Variants in ZFAT observed in about 807,000 individuals in gnomAD.
The protein encoded by ZFAT is zinc finger and AT-hook domain containing.
ZFAT carries 64 observed loss-of-function variants against 117.7 expected under a neutral mutation model. The ratio of observed to expected loss-of-function variants is 0.54; its 90% confidence interval spans 0.44 to 0.67. The LOEUF (loss-of-function observed/expected upper bound fraction) is 0.67. Among genes scored for constraint, ZFAT ranks in the 30% least tolerant of loss-of-function variants. The pLI, the probability that ZFAT is intolerant of heterozygous loss-of-function variation, is 0.00. For synonymous variants in ZFAT, 679 were observed against 615.0 expected (o/e 1.10, Z -1.54); for missense variants, 1,433 against 1,584.5 (o/e 0.90, Z 1.62).
At chr8:134,717,466 C>CT (rs746460924), upstream of ZFAT, among the ~76,000 whole-genome samples, 28 of 19,354 alleles carry the variant, frequency 1.4e-3, 11 homozygotes, top group East Asian at 3.0e-3. Context: ...AATAACAACT[C>CT]TTTTTTTTTT....
the ZFAT span, chr8:134,794,932 A>G: frequency 6.6e-6 from 1 of 152,226 alleles, no homozygotes; most frequent in African/African-American, 2.4e-5. Flanking sequence ...GGTCCTTCAC[A>G]TAGTTCTCTT....
At chr8:134,726,968 G>A in the ZFAT span, among the ~76,000 whole-genome samples, 1 of 151,990 alleles carries the variant, frequency 6.6e-6, no homozygotes, top group Non-Finnish European at 1.5e-5. Flanking sequence ...CATTATTTTA[G>A]AGAGACAGTT....
chr8:134,774,505 G>T, the ZFAT span, among the ~76,000 whole-genome samples: 1 of 152,138 alleles, frequency 6.6e-6, no homozygotes, highest in South Asian at 2.1e-4. Flanking sequence ...ACCACACCAG[G>T]AAAATGATTA....
chr8:134,799,310 G>A, the ZFAT span, among the ~76,000 whole-genome samples: 1 of 152,122 alleles, frequency 6.6e-6, no homozygotes, highest in Non-Finnish European at 1.5e-5. Flanking sequence ...CACTTGCCAA[G>A]CTGCTAGGAT....
intron 3 of ZFAT, among the ~76,000 whole-genome samples, chr8:134,626,608 C>T (rs889431909): frequency 1.3e-5 from 2 of 152,216 alleles, no homozygotes; most frequent in Non-Finnish European, 2.9e-5. Flanking sequence ...TGGGATTCCA[C>T]GGATCTCTGG....
chr8:134,572,144 A>G (rs1024537143), intron 10 of ZFAT, among the ~76,000 whole-genome samples: 1 of 152,266 alleles, frequency 6.6e-6, no homozygotes, highest in African/African-American at 2.4e-5. Context: ...CTTGTTATTA[A>G]TGAACTGTAC....
chr8:134,572,174 A>C (rs754638300), intron 10 of ZFAT, among the ~76,000 whole-genome samples: 4 of 152,248 alleles, frequency 2.6e-5, no homozygotes, highest in Non-Finnish European at 4.4e-5. Context: ...GAATTATTAT[A>C]ATATTAATTT....
intron 1 of ZFAT, among the ~76,000 whole-genome samples, chr8:134,690,031 G>A (rs1206060352): frequency 6.6e-6 from 1 of 152,198 alleles, no homozygotes; most frequent in African/African-American, 2.4e-5. Flanking sequence ...AAAGATCAAT[G>A]AGAAATTTTA....
At chr8:134,601,415 G>A in intron 6 of ZFAT, 62 bp downstream of exon 6, 2 of 1,531,860 alleles carry the variant, frequency 1.3e-6, no homozygotes, top group Admixed American at 2.0e-5. Context: ...CAAATCAAAT[G>A]CGAGGTGACC....
At chr8:134,685,362 A>T (rs943916652) in intron 1 of ZFAT, among the ~76,000 whole-genome samples, 1 of 152,198 alleles carries the variant, frequency 6.6e-6, no homozygotes, top group Non-Finnish European at 1.5e-5. Flanking sequence ...TAATGCTCAC[A>T]GTGAGCAATA....
intron 9 of ZFAT, among the ~76,000 whole-genome samples, chr8:134,585,561 C>T (rs372047850): frequency 6.6e-6 from 1 of 152,166 alleles, no homozygotes; most frequent in Non-Finnish European, 1.5e-5. Context: ...AGCAAAGCAA[C>T]ACAGAGACTG....
chr8:134,526,732 A>G (rs1821048134), intron 12 of ZFAT, among the ~76,000 whole-genome samples: 1 of 152,224 alleles, frequency 6.6e-6, no homozygotes, highest in Admixed American at 6.5e-5. Flanking sequence ...GGGCAGTCAC[A>G]AGACCTGAAT....
In ZFAT at chr8:134,601,572, A is replaced by G; in HGVS notation, c.2147T>C (p.Met716Thr). The change falls in exon 6 of 16, where the codon ATG becomes ACG. Residue 716 changes from methionine to threonine, a missense_variant. Physicochemically the swap from Met to Thr is moderately conservative, Grantham distance 81 (BLOSUM62 -1). Around this residue, in one of 5 missense-constraint regions of ZFAT, gnomAD observed 372 missense variants for 355.6 expected, o/e 1.05. Transcript: ENST00000377838. ...CTTCTGTAAACTGTTCAGGACCTTC[A>G]TGAAAGCGGTGATGCCTGACCGGTG... The part of the protein sequence containing the change: ...PEHRSGITAF[M>T]KVLNSLQKKQ... 6.2e-7 allele frequency: 1 copy of G among 1,614,208 alleles called. No individual in the cohort carries two copies. The highest frequency in any genetic ancestry group is 8.5e-7 in the Non-Finnish European group (1 of 1,180,034).
At chr8:134,628,376 G>T (rs1026081352) in intron 3 of ZFAT, among the ~76,000 whole-genome samples, 1 of 152,192 alleles carries the variant, frequency 6.6e-6, no homozygotes, top group Non-Finnish European at 1.5e-5. Context: ...AAGTCAGGGT[G>T]CAGAGCAGGC....
At chr8:134,709,868 C>G (rs1415776493) in intron 1 of ZFAT, among the ~76,000 whole-genome samples, 1 of 152,184 alleles carries the variant, frequency 6.6e-6, no homozygotes, top group Non-Finnish European at 1.5e-5. Flanking sequence ...GGCTCCAATT[C>G]ACACAATGAC....
intron 11 of ZFAT, among the ~76,000 whole-genome samples, chr8:134,551,611 T>G (rs950934627): frequency 6.6e-6 from 1 of 152,222 alleles, no homozygotes; most frequent in African/African-American, 2.4e-5. Context: ...ACGATTACTT[T>G]GAACTATTTA....
At chr8:134,491,837 A>G (rs954546717) in intron 15 of ZFAT, among the ~76,000 whole-genome samples, 3 of 152,186 alleles carry the variant, frequency 2.0e-5, no homozygotes, top group African/African-American at 7.2e-5. Context: ...AAAACTTAAC[A>G]TATTTGTAGG....
intron 5 of ZFAT, among the ~76,000 whole-genome samples, chr8:134,605,958 G>T (rs1170335229): frequency 6.6e-6 from 1 of 152,210 alleles, no homozygotes; most frequent in Non-Finnish European, 1.5e-5. Context: ...CACTCTGAGA[G>T]TCCAGTCAGG....
chr8:134,516,839 A>G (rs553133365), intron 13 of ZFAT, among the ~76,000 whole-genome samples: 226 of 143,134 alleles, frequency 1.6e-3, no homozygotes, highest in Non-Finnish European at 3.0e-3. Context: ...CGGCCTGGGT[A>G]GCCAGACCCT....
Sources: allele counts gnomAD v4.1 joint callset (sites outside exome capture counted in the v4.1 genomes callset), GRCh38; gene constraint gnomAD v4.1.1; regional missense constraint gnomAD v4.1.1; transcripts MANE v1.5; gene names NCBI Gene and HGNC (gene_info 2026-07-23, HGNC 2026-07-21).